The following ACACA variants were observed in gnomAD, a reference collection of about 807,000 sequenced individuals.
ACACA encodes acetyl-CoA carboxylase 1.
Under a neutral mutation model 296.1 loss-of-function variants are expected in ACACA, and 103 were observed. The ratio of observed to expected loss-of-function variants is 0.35; its 90% CI spans 0.30 to 0.41. The LOEUF (loss-of-function observed/expected upper bound fraction) is 0.41. Ranked by LOEUF, ACACA falls within the 10% of genes least tolerant of loss-of-function variation. The probability of loss-of-function intolerance (pLI) is 1.00; values close to 1 mark genes in which losing one functional copy is unlikely to be tolerated. For synonymous variants in ACACA, 953 were observed against 1,038.6 expected (o/e 0.92, Z 1.58); for missense variants, 1,554 against 2,989.7 (o/e 0.52, Z 11.20).
At chr17:37,260,280 ATATATATATATATATAT>A (rs1478894746) in intron 11 of ACACA, among the ~76,000 whole-genome samples, 15 of 32,412 alleles carry the variant, frequency 4.6e-4, no homozygotes, top group African/African-American at 2.8e-3. Context: ...ATATATATAT[ATATATATATATATATAT>A]TTTTTTTTTT....
chr17:37,316,906 C>T (rs1011778941), intron 3 of ACACA, among the ~76,000 whole-genome samples: 3 of 151,640 alleles, frequency 2.0e-5, no homozygotes, highest in African/African-American at 7.3e-5. Flanking sequence ...AACCGTGTCT[C>T]TACAAAAAAT....
At chr17:37,144,226 A>C in intron 45 of ACACA, 2 of 709,678 alleles carry the variant, frequency 2.8e-6, no homozygotes, top group South Asian at 2.8e-5. Flanking sequence ...CCTCCCAACA[A>C]GTTTGCACAA....
rs149602240 is a variant in ACACA, at chr17:37,118,638, A to G, written c.6274+2717T>C. Among the ~76,000 whole-genome samples the G allele has an allele frequency of 3.3e-5, 5 of 152,332 alleles. No homozygotes were observed. In the East Asian group the frequency reaches 9.6e-4, roughly 29 times the overall value. On this transcript the variant is annotated intron_variant, in intron 50 of 55. Coordinates refer to ENST00000616317, the MANE Select transcript of ACACA (RefSeq NM_198834.3). ...ACATCACATCAGCCAACTGTGTTAC[A>G]GGAAGTCAGACAGATCCACCTTCCT...
intron 52 of ACACA, among the ~76,000 whole-genome samples, chr17:37,100,622 C>T (rs1413464889): frequency 2.1e-5 from 3 of 145,824 alleles, no homozygotes; most frequent in East Asian, 4.0e-4. Context: ...AGATCTCAGA[C>T]CGCCCCTCAA....
chr17:37,090,168 G>T (rs1432411490), intron 54 of ACACA, among the ~76,000 whole-genome samples: 1 of 152,176 alleles, frequency 6.6e-6, no homozygotes, highest in East Asian at 1.9e-4. Context: ...CTACTGGGCT[G>T]CAGAGGAAAT....
chr17:37,379,559 C>T (rs1190145665), intron 1 of ACACA, among the ~76,000 whole-genome samples: 4 of 152,082 alleles, frequency 2.6e-5, no homozygotes, highest in Non-Finnish European at 5.9e-5. Context: ...TGGATATTAG[C>T]CCTTTGTCAG....
In ACACA at chr17:37,188,375, C is replaced by T. The variant is rs1434754460; in HGVS notation, c.4678G>A (p.Gly1560Arg). ...AAGAGGCGGATGGGAATTGCTTTTC[C>T]AGTTGGCGTCAGGCGAATGTTGATT... ...LKINIRLTPT[G>R]KAIPIRLFLT... The change falls in exon 39 of 56, where the codon GGA becomes AGA. Residue 1560 changes from glycine (G) to arginine (R), a missense_variant. By Grantham distance (125) the Gly-to-Arg change is moderately radical. Coordinates refer to ENST00000616317, the MANE Select transcript of ACACA (RefSeq NM_198834.3). 3 of 1,613,982 alleles carry T rather than the reference C, an allele frequency of 1.9e-6. No homozygotes were observed. Among genetic ancestry groups the T allele is most frequent in the African/African-American group, 1.3e-5 (1 of 74,904 alleles).
chr17:37,390,249 T>C (rs1471118956), intron 1 of ACACA, among the ~76,000 whole-genome samples: 1 of 37,284 alleles, frequency 2.7e-5, no homozygotes, highest in Non-Finnish European at 4.0e-5. Context: ...ATATTATATA[T>C]ATATTATATA....
At chr17:37,339,579 C>A (rs577780690) in intron 2 of ACACA, among the ~76,000 whole-genome samples, 6 of 152,354 alleles carry the variant, frequency 3.9e-5, no homozygotes, top group African/African-American at 4.8e-5. Context: ...CTAGAAGCTA[C>A]TCCACAGCCT....
intron 1 of ACACA, among the ~76,000 whole-genome samples, chr17:37,363,145 C>T (rs933619453): frequency 8.7e-5 from 13 of 149,180 alleles, no homozygotes; most frequent in Non-Finnish European, 1.5e-4. Flanking sequence ...TGCCACCACA[C>T]CTGGTTGACT....
At chr17:37,104,040 T>C (rs1469292722) in intron 52 of ACACA, among the ~76,000 whole-genome samples, 3 of 152,188 alleles carry the variant, frequency 2.0e-5, no homozygotes, top group African/African-American at 7.2e-5. Flanking sequence ...TCCAATCTTT[T>C]GGCTTCCTTG....
chr17:37,223,443 G>T, intron 28 of ACACA, 69 bp downstream of exon 28: 1 of 1,291,110 alleles, frequency 7.7e-7, no homozygotes, highest in Non-Finnish European at 1.1e-6. Context: ...TGACATGGCA[G>T]CCAAATAGAC....
intron 1 of ACACA, chr17:37,359,089 T>A: frequency 2.0e-6 from 2 of 985,656 alleles, no homozygotes; most frequent in Non-Finnish European, 2.4e-6. Flanking sequence ...GCTCGGGCGA[T>A]GGCTGACAGG....
At chr17:37,257,360 C>A (rs2081271606) in intron 14 of ACACA, among the ~76,000 whole-genome samples, 1 of 152,084 alleles carries the variant, frequency 6.6e-6, no homozygotes, top group Non-Finnish European at 1.5e-5. Flanking sequence ...TTATTTGATA[C>A]CTAGTTCTTG....
rs1241037052 is a variant in ACACA, at chr17:37,174,004, ATATATATATATATATAT to A, written c.5079+5239_5079+5255del. ...AATTTATATATATATATATATATATATATATATATATATATATTTTTTTTTTTTTTTTTTTTTGTAGC... is the reference window on the plus strand; with the variant it reads ...AATTTATATATATATATATATATATATTTTTTTTTTTTTTTTTTTTGTAGC... On this transcript the variant is annotated intron_variant, in intron 41 of 55. Transcript: ENST00000616317. 9.8e-4 allele frequency among the ~76,000 whole-genome samples: 11 copies of A among 11,170 alleles called. 2 individuals are homozygous for A. Among genetic ancestry groups the A allele is most frequent in the African/African-American group, 1.4e-3 (2 of 1,400 alleles). 7.3% of individuals were successfully genotyped at this position (11,170 alleles called of 152,430 possible). A position where few individuals can be genotyped will look rare whatever the true frequency, so the allele number is the denominator to read the frequency against.
chr17:37,091,616 G>T (rs999744331), intron 54 of ACACA, among the ~76,000 whole-genome samples: 5 of 152,018 alleles, frequency 3.3e-5, no homozygotes, highest in Admixed American at 3.3e-4. Context: ...GTCTCCTCCT[G>T]TTGCCCAGGC....
At chr17:37,379,339 C>A in intron 1 of ACACA, 1 of 1,613,970 alleles carries the variant, frequency 6.2e-7, no homozygotes, top group Non-Finnish European at 8.5e-7. Flanking sequence ...GTCACCTAAT[C>A]CCCACATCCA....
At chr17:37,276,903 T>C (rs963000971) in intron 7 of ACACA, 130 bp downstream of exon 7, 11 of 810,118 alleles carry the variant, frequency 1.4e-5, no homozygotes, top group South Asian at 1.3e-4. Context: ...GAGTTAGTAA[T>C]AGATTGAGGG....
chr17:37,110,183 TAAACACAGC>T (rs1333225464), intron 52 of ACACA, among the ~76,000 whole-genome samples: 1 of 152,228 alleles, frequency 6.6e-6, no homozygotes, highest in East Asian at 1.9e-4. Flanking sequence ...GAATTAGTGG[TAAACACAGC>T]GGCAACAATT....
Sources: allele counts gnomAD v4.1 joint callset (sites outside exome capture counted in the v4.1 genomes callset), GRCh38; gene constraint gnomAD v4.1.1; transcripts MANE v1.5; gene names NCBI Gene and HGNC (gene_info 2026-07-23, HGNC 2026-07-21).